The following SPOCK3 variants were observed in gnomAD, a reference collection of about 807,000 sequenced individuals.
The protein encoded by SPOCK3 is testican-3.
A neutral mutation model predicts 56.6 loss-of-function variants in SPOCK3; 30 were observed. That is an observed-to-expected ratio of 0.53 (90% CI 0.40 to 0.72). The LOEUF (loss-of-function observed/expected upper bound fraction) is 0.72, where lower values mean the gene tolerates loss of function less well. Ranked by LOEUF, SPOCK3 falls within the 30% of genes least tolerant of loss-of-function variation. SPOCK3 has a pLI of 0.00. For missense variants in SPOCK3, 527 were observed against 530.0 expected, an observed-to-expected ratio of 0.99 and a Z score of 0.06; for synonymous variants, 196 against 183.3, an observed-to-expected ratio of 1.07 and a Z score of -0.56.
At position 166,734,608 on chromosome 4, in the gene SPOCK3, C is replaced by CT. The variant is rs1465625755; in HGVS notation, c.*312_*313insA. The CT allele has an allele frequency of 3.1e-4, 66 of 215,304 alleles. No individual in the cohort carries two copies. The highest frequency in any genetic ancestry group is 1.4e-3 in the African/African-American group (60 of 44,128). The allele number at this position is 215,304 out of a possible 1,614,324, so 13.3% of individuals were successfully genotyped here. ...ATGTACGATCCCAAGCACTAGCTGT[C>CT]ATTTTGCTTATGGAAGATTTACAAA... On this transcript the variant is annotated 3_prime_UTR_variant, in exon 11 of 11. Coordinates refer to ENST00000357545, the MANE Select transcript of SPOCK3 (RefSeq NM_001040159.2).
chr4:167,116,850 T>G (rs1484996720), intron 2 of SPOCK3, among the ~76,000 whole-genome samples: 9 of 142,858 alleles, frequency 6.3e-5, no homozygotes, highest in Admixed American at 1.4e-4. Flanking sequence ...TACTTTTATA[T>G]ATATACTTTT....
rs1198070002 is a variant in SPOCK3 at position 167,177,337 on chromosome 4, C to T, written c.189+56648G>A. ...TTACGTTCTGAGCACTTTCCACACA[C>T]TAATTAATTTTATCATCATGAAAAC... On this transcript the variant is annotated intron_variant, in intron 2 of 10. Transcript: ENST00000357545. 2.0e-5 allele frequency among the ~76,000 whole-genome samples: 3 copies of T among 151,898 alleles called. No individual in the cohort carries two copies. The East Asian group carries it at 5.8e-4, about 29-fold the overall frequency.
chr4:166,863,325 CA>C (rs1185305661), intron 6 of SPOCK3, among the ~76,000 whole-genome samples: 2 of 151,994 alleles, frequency 1.3e-5, no homozygotes, highest in Non-Finnish European at 2.9e-5. Flanking sequence ...CCAGCCACTG[CA>C]AAAACACACC....
At chr4:167,046,450 CTTTTT>C (rs67108499) in intron 3 of SPOCK3, among the ~76,000 whole-genome samples, 1,143 of 53,674 alleles carry the variant, frequency 0.021, 17 homozygotes, top group Non-Finnish European at 0.03. Flanking sequence ...TTCTGATATT[CTTTTT>C]TTTTTTTTTT....
At chr4:167,223,484 A>T in intron 2 of SPOCK3, among the ~76,000 whole-genome samples, 1 of 151,666 alleles carries the variant, frequency 6.6e-6, no homozygotes, top group East Asian at 1.9e-4. Flanking sequence ...GCATTAACAG[A>T]TGAAGAAGCA....
At chr4:166,856,207 G>A (rs540268256) in intron 6 of SPOCK3, among the ~76,000 whole-genome samples, 1 of 151,998 alleles carries the variant, frequency 6.6e-6, no homozygotes, top group South Asian at 2.1e-4. Flanking sequence ...GGTAGAAATA[G>A]GGGAGAAGTT....
At chr4:167,042,608 A>G (rs1753328939) in intron 3 of SPOCK3, among the ~76,000 whole-genome samples, 1 of 152,094 alleles carries the variant, frequency 6.6e-6, no homozygotes, top group Non-Finnish European at 1.5e-5. Context: ...TTGTGTGTGG[A>G]AGAAAAGAGA....
intron 2 of SPOCK3, among the ~76,000 whole-genome samples, chr4:167,098,663 T>C (rs1320639491): frequency 1.3e-5 from 2 of 150,544 alleles, no homozygotes; most frequent in African/African-American, 4.9e-5. Flanking sequence ...TCCAACCTTG[T>C]TTTTTTTTCT....
chr4:167,170,337 T>C (rs1015126421), intron 2 of SPOCK3, among the ~76,000 whole-genome samples: 2 of 152,020 alleles, frequency 1.3e-5, no homozygotes, highest in South Asian at 4.1e-4. Context: ...CAACTCAACT[T>C]AAAAGCGCTA....
chr4:166,737,685 TATGCATTA>T, intron 9 of SPOCK3, 81 bp from the exon 10 acceptor site: 1 of 1,437,156 alleles, frequency 7.0e-7, no homozygotes. Context: ...AAGCACCCAT[TATGCATTA>T]ATGCATTAAA....
intron 2 of SPOCK3, among the ~76,000 whole-genome samples, chr4:167,120,545 G>C (rs559706086): frequency 1.3e-5 from 2 of 151,896 alleles, no homozygotes; most frequent in South Asian, 2.1e-4. Context: ...TAAATAATTC[G>C]ATTACTCAGT....
chr4:166,802,290 T>C (rs1560873984), intron 6 of SPOCK3, among the ~76,000 whole-genome samples: 1 of 152,212 alleles, frequency 6.6e-6, no homozygotes, highest in Non-Finnish European at 1.5e-5. Flanking sequence ...TAGGAAAAGA[T>C]TGAAGGGACA....
intron 4 of SPOCK3, among the ~76,000 whole-genome samples, chr4:166,929,787 C>A (rs932514325): frequency 6.6e-6 from 1 of 152,048 alleles, no homozygotes; most frequent in Non-Finnish European, 1.5e-5. Flanking sequence ...TTCCCCACAC[C>A]CTACTTAGCT....
chr4:166,952,037 T>C (rs1332868311), intron 4 of SPOCK3, among the ~76,000 whole-genome samples: 5 of 152,070 alleles, frequency 3.3e-5, no homozygotes, highest in East Asian at 1.9e-4. Flanking sequence ...CAGGGATGCC[T>C]TCTCTCACCA....
In SPOCK3 at chr4:166,792,172, C is replaced by T. The variant is rs1447961058; in HGVS notation, c.707G>A (p.Ser236Asn). The T allele has an allele frequency of 1.9e-5, 30 of 1,613,426 alleles. No individual in the cohort carries two copies. The highest frequency in any genetic ancestry group is 2.7e-5 in the African/African-American group (2 of 74,858). ...KTKTLLRPER[S>N]RFDTSILPIC... is the part of the protein sequence containing the mutation. ...ATGATCAAATTTAGAAATCTTACTGCTTCTCTCAGGCCTCAGCAATGTTTT... is the reference window on the plus strand; with the variant it reads ...ATGATCAAATTTAGAAATCTTACTGTTTCTCTCAGGCCTCAGCAATGTTTT... The change falls in exon 7 of 11, where the codon AGC (serine) becomes AAC (asparagine). Residue 236 changes from serine (S) to asparagine (N), a missense_variant and splice_region_variant. Physicochemically the swap from Ser to Asn is conservative, Grantham distance 46. Transcript: ENST00000357545.
intron 6 of SPOCK3, among the ~76,000 whole-genome samples, chr4:166,820,555 A>G (rs1370624744): frequency 6.6e-6 from 1 of 151,902 alleles, no homozygotes; most frequent in Non-Finnish European, 1.5e-5. Flanking sequence ...TGTATCCCCA[A>G]CTTTAAGAGT....
chr4:167,180,070 A>G (rs1731315424), intron 2 of SPOCK3, among the ~76,000 whole-genome samples: 1 of 152,176 alleles, frequency 6.6e-6, no homozygotes, highest in South Asian at 2.1e-4. Flanking sequence ...AGCTGGACTC[A>G]ATGACAGAGC....
At chr4:167,073,495 T>TC (rs1756892315) in intron 2 of SPOCK3, among the ~76,000 whole-genome samples, 1 of 151,820 alleles carries the variant, frequency 6.6e-6, no homozygotes, top group Non-Finnish European at 1.5e-5. Context: ...GTGCTTTTTT[T>TC]CCCCTCTAGT....
At chr4:167,144,429 G>A (rs74976818) in intron 2 of SPOCK3, among the ~76,000 whole-genome samples, 3,314 of 151,720 alleles carry the variant, frequency 0.022, 74 homozygotes, top group Middle Eastern at 0.068. Context: ...AAACATAGCC[G>A]CTCAATGCTG....
Sources: allele counts gnomAD v4.1 joint callset (sites outside exome capture counted in the v4.1 genomes callset), GRCh38; gene constraint gnomAD v4.1.1; transcripts MANE v1.5; gene names NCBI Gene and HGNC (gene_info 2026-07-23, HGNC 2026-07-21).